Variants in RIMBP2 observed in about 807,000 individuals in gnomAD.
RIMBP2 encodes the protein RIMS-binding protein 2.
In RIMBP2, 48 loss-of-function variants were observed where a neutral mutation model predicts 118.6. The ratio of observed to expected loss-of-function variants is 0.40; its 90% CI spans 0.32 to 0.51. The LOEUF (loss-of-function observed/expected upper bound fraction) is 0.51, where lower values mean the gene tolerates loss of function less well. Ranked by LOEUF, RIMBP2 falls within the 20% of genes least tolerant of loss-of-function variation. RIMBP2 has a pLI of 0.41. For synonymous variants in RIMBP2, 762 were observed against 742.9 expected, an observed-to-expected ratio of 1.03 and a Z score of -0.42; for missense variants, 1,551 against 1,768.3, an observed-to-expected ratio of 0.88 and a Z score of 2.20.
chr12:130,630,456 T>C (rs2061925449), intron 1 of RIMBP2, among the ~76,000 whole-genome samples: 1 of 152,130 alleles, frequency 6.6e-6, no homozygotes, highest in Non-Finnish European at 1.5e-5. Flanking sequence ...CATGTTGACA[T>C]AAACAACCAA....
rs1258126609 is a variant in RIMBP2, at chr12:130,710,298, C to T, written c.-352+5924G>A. Among the ~76,000 whole-genome samples the T allele has an allele frequency of 1.3e-5, 2 of 152,160 alleles. No individual in the cohort carries two copies. The highest frequency in any genetic ancestry group is 2.9e-5 in the Non-Finnish European group (2 of 68,034). ...CTTCAACGCCACCTCCTCCCTGAGA[C>T]CCTCCCAGATCATCCAGGTGCGGCC... On this transcript the variant is annotated intron_variant, in intron 1 of 22. Transcript: ENST00000690449. The surrounding 1 kb of genome is among the most constrained non-coding windows in gnomAD (Gnocchi z 4.3).
At chr12:130,456,813 TAC>T in intron 6 of RIMBP2, 113 bp from the exon 7 acceptor site, 1 of 735,952 alleles carries the variant, frequency 1.4e-6, no homozygotes, top group Non-Finnish European at 2.2e-6. Context: ...TGCACGTGTG[TAC>T]ACACGTGTTG....
Position 130,407,774 on chromosome 12 carries a change from G to A in RIMBP2, c.3645C>T (p.Ala1215=), listed in dbSNP as rs760690826. 19 of 1,614,110 alleles carry A rather than the reference G, an allele frequency of 1.2e-5. No individual in the cohort carries two copies. In the South Asian group the frequency reaches 2.0e-4, roughly 17 times the overall value. The change falls in exon 20 of 23, where the codon GCC becomes GCT. Residue 1215 remains alanine, a synonymous_variant. Coordinates refer to ENST00000690449, the MANE Select transcript of RIMBP2 (RefSeq NM_001393629.1). ...RHSVSTRRMV[A]LYDYDPRESS... is the part of the protein sequence containing the mutation. ...TTTCTCTGGGGTCGTAGTCATACAGGGCCACCATTCTCCGCGTCGATACCG... is the reference window on the plus strand; with the variant it reads ...TTTCTCTGGGGTCGTAGTCATACAGAGCCACCATTCTCCGCGTCGATACCG...
intron 4 of RIMBP2, among the ~76,000 whole-genome samples, chr12:130,484,518 T>G (rs945827465): frequency 3.3e-5 from 5 of 152,240 alleles, no homozygotes; most frequent in African/African-American, 1.2e-4. Flanking sequence ...CCGGCTCCCT[T>G]GCCTGCTATC....
intron 22 of RIMBP2, chr12:130,398,940 T>A (rs2074266619): frequency 5.9e-6 from 2 of 336,812 alleles, no homozygotes; most frequent in African/African-American, 2.1e-5. Context: ...TCAGTTGCTT[T>A]ACAACTGAGA....
intron 4 of RIMBP2, among the ~76,000 whole-genome samples, chr12:130,496,529 G>A (rs1247166682): frequency 6.6e-6 from 1 of 152,122 alleles, no homozygotes; most frequent in Non-Finnish European, 1.5e-5. Context: ...CGAGGGGTGA[G>A]GCTCCATCCA....
intron 19 of RIMBP2, among the ~76,000 whole-genome samples, chr12:130,408,290 C>T (rs544538406): frequency 1.3e-4 from 20 of 152,312 alleles, no homozygotes; most frequent in African/African-American, 3.8e-4. Context: ...AAGTCATGCT[C>T]CCCTAAGCAT....
intron 4 of RIMBP2, among the ~76,000 whole-genome samples, chr12:130,492,370 T>C (rs1209900150): frequency 1.3e-5 from 2 of 150,780 alleles, no homozygotes; most frequent in Non-Finnish European, 2.9e-5. Context: ...GTGAGGTCTA[T>C]TTCAGCCCAA....
At chr12:130,618,514 G>A (rs2061099085) in intron 2 of RIMBP2, among the ~76,000 whole-genome samples, 1 of 152,104 alleles carries the variant, frequency 6.6e-6, no homozygotes, top group African/African-American at 2.4e-5. Flanking sequence ...ACATCCCGGT[G>A]TTCAGCAGGT....
At chr12:130,691,563 T>G (rs182843161) in intron 1 of RIMBP2, among the ~76,000 whole-genome samples, 9 of 152,160 alleles carry the variant, frequency 5.9e-5, no homozygotes, top group Admixed American at 5.9e-4. Context: ...CCCAGCTACT[T>G]GGGAGGCTCA....
In RIMBP2 at chr12:130,451,239, A is replaced by G. The variant is rs779590397; in HGVS notation, c.460T>C (p.Phe154Leu). ...CTTGCGCTACCGGATCTCGACAGGA[A>G]GGTGGGCTTGGCGGACAGAGGCTCC... ...RPEPLSAKPT[F>L]LSRSGSARCR... The change falls in exon 8 of 23, where the codon TTC becomes CTC. Residue 154 changes from phenylalanine (F) to leucine (L), a missense_variant. Coordinates refer to ENST00000690449, the MANE Select transcript of RIMBP2 (RefSeq NM_001393629.1). The G allele has an allele frequency of 1.9e-5, 30 of 1,614,042 alleles. No individual in the cohort carries two copies. Among genetic ancestry groups the G allele is most frequent in the Non-Finnish European group, 2.5e-5 (30 of 1,180,012 alleles).
At chr12:130,698,233 A>G (rs2136726907) in intron 1 of RIMBP2, among the ~76,000 whole-genome samples, 1 of 152,316 alleles carries the variant, frequency 6.6e-6, no homozygotes, top group South Asian at 2.1e-4. Flanking sequence ...ACCGTGACTT[A>G]GTGAAGCCCC....
At chr12:130,484,366 G>T (rs573870919) in intron 4 of RIMBP2, among the ~76,000 whole-genome samples, 29 of 152,326 alleles carry the variant, frequency 1.9e-4, no homozygotes, top group African/African-American at 6.7e-4. Context: ...TGCTCTCCCT[G>T]CTAGCCTGAC....
rs754322077 is a variant in RIMBP2 at position 130,621,050 on chromosome 12, A to G, written c.-217+7272T>C. Among the ~76,000 whole-genome samples the G allele has an allele frequency of 6.6e-6, 1 of 151,724 alleles. No individual in the cohort carries two copies. Among genetic ancestry groups the G allele is most frequent in the Non-Finnish European group, 1.5e-5 (1 of 67,926 alleles). ...TGGGGAGGCCTGAAAATATGCACAC[A>G]CCTCTGTAAGGAGATGGAGTCACCC... On this transcript the variant is annotated intron_variant, in intron 2 of 22. Coordinates refer to ENST00000690449, the MANE Select transcript of RIMBP2 (RefSeq NM_001393629.1). The surrounding 1 kb of genome is among the most constrained non-coding windows in gnomAD (Gnocchi z 6.6).
intron 6 of RIMBP2, among the ~76,000 whole-genome samples, chr12:130,460,815 G>A (rs1175145753): frequency 6.6e-6 from 1 of 152,094 alleles, no homozygotes; most frequent in Non-Finnish European, 1.5e-5. Flanking sequence ...GGGGTGTCGG[G>A]AGCAGGAGGC....
chr12:130,442,417 T>A lies in RIMBP2; in HGVS notation c.935A>T (p.Asp312Val). ...LDVNIDDIGE[D>V]IVPYPRKITL... Reference sequence around the variant, plus strand: ...GATTTTTCTAGGGTAAGGCACGATGTCTTCTCCGATGTCGTCGATGTTCAC... The same window carrying A: ...GATTTTTCTAGGGTAAGGCACGATGACTTCTCCGATGTCGTCGATGTTCAC... The change falls in exon 11 of 23, where the codon GAC (aspartate) becomes GTC (valine). Residue 312 changes from aspartate to valine, a missense_variant. Asp to Val is a radical substitution (Grantham distance 152, BLOSUM62 -3). This residue lies in a region of RIMBP2 where 265 missense variants were observed against 349.5 expected (regional missense o/e 0.76). Coordinates refer to ENST00000690449, the MANE Select transcript of RIMBP2 (RefSeq NM_001393629.1). The surrounding 1 kb of genome is among the most constrained non-coding windows in gnomAD (Gnocchi z 6.9). 1 of 1,614,140 alleles carries A rather than the reference T, an allele frequency of 6.2e-7. No homozygotes were observed. Among genetic ancestry groups the A allele is most frequent in the South Asian group, 1.1e-5 (1 of 91,074 alleles).
chr12:130,563,061 C>T (rs7301297), intron 2 of RIMBP2, among the ~76,000 whole-genome samples: 98,191 of 152,112 alleles, frequency 0.65, 31,734 homozygotes, highest in African/African-American at 0.69. Flanking sequence ...AAGCTAAAAA[C>T]GCATTCACGC....
intron 4 of RIMBP2, among the ~76,000 whole-genome samples, chr12:130,496,742 C>T (rs2049205745): frequency 1.3e-5 from 2 of 152,164 alleles, no homozygotes; most frequent in South Asian, 4.1e-4. Context: ...TTTCTCTCAC[C>T]TGCAGGCCAC....
chr12:130,595,226 A>G, intron 2 of RIMBP2, among the ~76,000 whole-genome samples: 1 of 152,196 alleles, frequency 6.6e-6, no homozygotes. Flanking sequence ...CCATGCCCAA[A>G]GCCTGATGGG....
Sources: gnomAD v4.1 joint callset for allele counts (sites outside exome capture counted in the v4.1 genomes callset) on GRCh38, gnomAD v4.1.1 for gene constraint, gnomAD v4.1.1 regional missense constraint, Gnocchi (gnomAD v3.1) non-coding constraint, MANE v1.5 for transcripts, NCBI Gene and HGNC (gene_info 2026-07-23, HGNC 2026-07-21) for gene names.